The following CFAP44 variants were observed in gnomAD, a reference collection of about 807,000 sequenced individuals.
CFAP44 encodes cilia- and flagella-associated protein 44.
In CFAP44, 134 loss-of-function variants were observed where a neutral mutation model predicts 216.2. The ratio of observed to expected loss-of-function variants is 0.62; its 90% confidence interval spans 0.54 to 0.72. The LOEUF (loss-of-function observed/expected upper bound fraction) is 0.72, where lower values mean the gene tolerates loss of function less well. Among genes scored for constraint, CFAP44 ranks in the 30% least tolerant of loss-of-function variants. The pLI is 0.00. For synonymous variants in CFAP44, 700 were observed against 727.6 expected (o/e 0.96, Z 0.61); for missense variants, 2,035 against 2,182.1 (o/e 0.93, Z 1.34).
At chr3:113,308,311 T>G (rs1429451989) in intron 28 of CFAP44, 43 bp from the exon 29 acceptor site, 2 of 1,387,798 alleles carry the variant, frequency 1.4e-6, no homozygotes, top group Non-Finnish European at 1.9e-6. Context: ...AGCTTCTATA[T>G]TAAACTAAAT....
chr3:113,372,488 C>A (rs113757183), intron 18 of CFAP44, among the ~76,000 whole-genome samples: 7,933 of 152,208 alleles, frequency 0.052, 364 homozygotes, highest in African/African-American at 0.12. Context: ...GACAGAAAAC[C>A]AAGCACCACA....
chr3:113,333,627 T>C (rs1391070013), intron 24 of CFAP44, 44 bp from the exon 25 acceptor site: 2 of 1,444,450 alleles, frequency 1.4e-6, no homozygotes. Context: ...AATATGACAA[T>C]AAACTCTAAT....
At chr3:113,427,485 G>A (rs1934994029) in intron 2 of CFAP44, 146 bp from the exon 3 acceptor site, 2 of 606,758 alleles carry the variant, frequency 3.3e-6, no homozygotes, top group African/African-American at 3.8e-5. Flanking sequence ...ATTTTATTTG[G>A]TCAGTCTTGT....
chr3:113,356,383 G>C (rs1412453713), intron 22 of CFAP44, among the ~76,000 whole-genome samples: 1 of 151,976 alleles, frequency 6.6e-6, no homozygotes, highest in African/African-American at 2.4e-5. Context: ...TTGACAAGTT[G>C]ATTCTATGCA....
intron 6 of CFAP44, among the ~76,000 whole-genome samples, chr3:113,410,764 G>C (rs1487119551): frequency 1.3e-5 from 2 of 151,564 alleles, no homozygotes; most frequent in African/African-American, 4.9e-5. Flanking sequence ...ACTCCCACCA[G>C]TAGTGTAAAA....
intron 2 of CFAP44, chr3:113,429,182 A>G (rs1234142856): frequency 3.3e-5 from 5 of 152,196 alleles, no homozygotes. Context: ...GTAGGCATGT[A>G]TACTTTGGCT....
intron 4 of CFAP44, among the ~76,000 whole-genome samples, chr3:113,424,709 G>A (rs1375869308): frequency 3.3e-5 from 5 of 152,138 alleles, no homozygotes; most frequent in African/African-American, 1.2e-4. Flanking sequence ...AAGCTACTTT[G>A]TGATTTTCCT....
At chr3:113,388,583 C>A (rs1156753638) in intron 15 of CFAP44, among the ~76,000 whole-genome samples, 1 of 152,050 alleles carries the variant, frequency 6.6e-6, no homozygotes, top group Non-Finnish European at 1.5e-5. Context: ...ACTCTCTAAA[C>A]AAAAGAAATG....
At chr3:113,312,466 G>T (rs150695011) in intron 28 of CFAP44, among the ~76,000 whole-genome samples, 1 of 152,170 alleles carries the variant, frequency 6.6e-6, no homozygotes, top group South Asian at 2.1e-4. Context: ...AAAGAAAAAC[G>T]CATTTTCTGA....
At chr3:113,424,592 T>C (rs771243443) in intron 4 of CFAP44, among the ~76,000 whole-genome samples, 5 of 152,214 alleles carry the variant, frequency 3.3e-5, no homozygotes, top group Non-Finnish European at 5.9e-5. Context: ...AGATTATATA[T>C]GTCCATCTGC....
Position 113,400,000 on chromosome 3 carries a change from C to A in CFAP44, c.1475G>T (p.Cys492Phe), listed in dbSNP as rs138169971. The change falls in exon 13 of 35, where the codon TGC becomes TTC. Residue 492 changes from cysteine to phenylalanine, a missense_variant and splice_region_variant. Physicochemically the swap from Cys to Phe is radical, Grantham distance 205. This residue lies in a region of CFAP44 where 1,883 missense variants were observed against 2,023.7 expected (regional missense o/e 0.93). Transcript: ENST00000393845. ...AGCAAAATCATAGATTCGAACAGAG[C>A]CTATAGAAAGACAGTTTTAAAAGAA... ...TYLMATTALD[C>F]SVRIYDFASK... 86 of 1,553,202 alleles carry A rather than the reference C, an allele frequency of 5.5e-5. No individual in the cohort carries two copies. Among genetic ancestry groups the A allele is most frequent in the East Asian group, 2.3e-4 (10 of 43,240 alleles).
intron 11 of CFAP44, 45 bp from the exon 12 acceptor site, chr3:113,400,689 C>A (rs375175415): frequency 6.6e-7 from 1 of 1,513,316 alleles, no homozygotes; most frequent in Non-Finnish European, 9.1e-7. Flanking sequence ...GACAGAGTAA[C>A]AAAGAATTAA....
chr3:113,419,869 T>C (rs937082373), intron 5 of CFAP44, 148 bp downstream of exon 5: 3 of 662,526 alleles, frequency 4.5e-6, no homozygotes, highest in Non-Finnish European at 7.2e-6. Context: ...GAATTGAAAA[T>C]GCCTTGGAAT....
intron 25 of CFAP44, among the ~76,000 whole-genome samples, chr3:113,331,907 T>A (rs927652776): frequency 6.6e-6 from 1 of 152,226 alleles, no homozygotes; most frequent in Non-Finnish European, 1.5e-5. Context: ...CTATGAGGTA[T>A]ACCAGACATG....
intron 32 of CFAP44, among the ~76,000 whole-genome samples, chr3:113,298,967 A>G (rs890840437): frequency 1.3e-5 from 2 of 152,238 alleles, no homozygotes; most frequent in African/African-American, 4.8e-5. Context: ...CCACTTACAA[A>G]TGGTTAAAAT....
chr3:113,364,671 C>A (rs984142164), intron 19 of CFAP44, among the ~76,000 whole-genome samples: 10 of 152,070 alleles, frequency 6.6e-5, no homozygotes, highest in Non-Finnish European at 1.3e-4. Context: ...TTGAGTTAAA[C>A]AAAAGTTCCA....
intron 6 of CFAP44, among the ~76,000 whole-genome samples, chr3:113,414,202 T>C (rs1010543394): frequency 5.9e-5 from 9 of 152,306 alleles, no homozygotes; most frequent in African/African-American, 1.9e-4. Context: ...TTTTTGCACA[T>C]TGATTTTGTA....
At chr3:113,316,695 C>A (rs1950091216) in intron 28 of CFAP44, among the ~76,000 whole-genome samples, 1 of 151,836 alleles carries the variant, frequency 6.6e-6, no homozygotes, top group Admixed American at 6.6e-5. Context: ...ACTGTGAAAC[C>A]CCATCTCTAC....
chr3:113,375,372 GA>G (rs1281289448), intron 17 of CFAP44, among the ~76,000 whole-genome samples: 1 of 152,070 alleles, frequency 6.6e-6, no homozygotes, highest in Non-Finnish European at 1.5e-5. Context: ...AAAGCAATTG[GA>G]AAAACAAACT....
Sources: allele counts gnomAD v4.1 joint callset (sites outside exome capture counted in the v4.1 genomes callset), GRCh38; gene constraint gnomAD v4.1.1; regional missense constraint gnomAD v4.1.1; transcripts MANE v1.5; gene names NCBI Gene and HGNC (gene_info 2026-07-23, HGNC 2026-07-21).